Variants in CD99 observed in about 807,000 individuals in gnomAD.
CD99 encodes the protein CD99 molecule (Xg blood group), also known as CD99 antigen.
CD99 carries 19 observed loss-of-function variants against 28.4 expected under a neutral mutation model. The observed-to-expected ratio is 0.67, with a 90% CI of 0.47 to 0.98. The LOEUF (loss-of-function observed/expected upper bound fraction) is 0.98, where lower values mean the gene tolerates loss of function less well. Ranked by LOEUF, CD99 falls within the 50% of genes least tolerant of loss-of-function variation. The pLI is 0.00. For synonymous variants in CD99, 103 were observed against 92.1 expected, an observed-to-expected ratio of 1.12 and a Z score of -0.67; for missense variants, 283 against 248.8, an observed-to-expected ratio of 1.14 and a Z score of -0.92.
At chrX:2,696,145 G>C (rs7050150) in intron 1 of CD99, among the ~76,000 whole-genome samples, 2,444 of 152,316 alleles carry the variant, frequency 0.016, 69 homozygotes, top group African/African-American at 0.054. Flanking sequence ...GGCAGAGAAA[G>C]ACAAAGGACT....
chrX:2,700,750 CCATT>C (rs2047814274), intron 1 of CD99, among the ~76,000 whole-genome samples: 1 of 152,078 alleles, frequency 6.6e-6, no homozygotes, highest in Non-Finnish European at 1.5e-5. Flanking sequence ...ATCTATCCAT[CCATT>C]CACCCATCCT....
chrX:2,695,003 T>C (rs1008042211), intron 1 of CD99, among the ~76,000 whole-genome samples: 2 of 152,190 alleles, frequency 1.3e-5, no homozygotes, highest in African/African-American at 2.4e-5. Context: ...TCATGGATAC[T>C]GTCTGGAATG....
rs193098625 is a variant in CD99, at chrX:2,734,059, C to G, written c.476-4141C>G. On this transcript the variant is annotated intron_variant, in intron 8 of 9. Transcript: ENST00000381192. ...CCTATTCACACATTTGAGCACGGAGCCTCTGCGGCCGTCTTCCTTGGATTC... is the reference window on the plus strand; with the variant it reads ...CCTATTCACACATTTGAGCACGGAGGCTCTGCGGCCGTCTTCCTTGGATTC... Among the ~76,000 whole-genome samples, 102 of 152,214 alleles carry G rather than the reference C, an allele frequency of 6.7e-4. No homozygotes were observed. The East Asian group carries it at 0.014, about 20-fold the overall frequency.
chrX:2,695,064 C>T (rs1315517317), intron 1 of CD99, among the ~76,000 whole-genome samples: 2 of 152,272 alleles, frequency 1.3e-5, no homozygotes, highest in East Asian at 3.9e-4. Flanking sequence ...TCAGTAGCCA[C>T]GTGGACCTTG....
At position 2,720,471 on chromosome X, in the gene CD99, C is replaced by T. The variant is rs776844070; in HGVS notation, c.262+47C>T. On this transcript the variant is annotated intron_variant, in intron 5 of 9. Coordinates refer to ENST00000381192, the MANE Select transcript of CD99 (RefSeq NM_002414.5). ...GGATGTCTTCATGTTGTTCAGAATT[C>T]AGCGATATTTATGTCAGCTGAGAGG... The T allele has an allele frequency of 6.4e-6, 10 of 1,563,224 alleles. No individual in the cohort carries two copies. The South Asian group carries it at 1.1e-4, about 17-fold the overall frequency.
intron 7 of CD99, among the ~76,000 whole-genome samples, chrX:2,724,346 G>A (rs1198301755): frequency 6.6e-6 from 1 of 152,124 alleles, no homozygotes; most frequent in Non-Finnish European, 1.5e-5. Context: ...ACACACCACC[G>A]ACAGGCCATG....
At chrX:2,718,380 T>G (rs1392142581) in intron 3 of CD99, among the ~76,000 whole-genome samples, 4 of 150,848 alleles carry the variant, frequency 2.7e-5, no homozygotes, top group Non-Finnish European at 4.4e-5. Flanking sequence ...TTTTTTTTTT[T>G]TTTTTTGAGA....
chrX:2,709,902 G>C lies in CD99; in HGVS notation c.68-4520G>C, dbSNP rs756522260. Among the ~76,000 whole-genome samples, 231 of 152,286 alleles carry C rather than the reference G, an allele frequency of 1.5e-3. 1 individual carries two copies. Among genetic ancestry groups the C allele is most frequent in the African/African-American group, 5.3e-3 (221 of 41,556 alleles). On this transcript the variant is annotated intron_variant, in intron 1 of 9. Transcript: ENST00000381192. ...TTGGGGGAAGCTTGGGGACACCTGG[G>C]TGGGCAAATGGCCCCCCTGAGGCCC...
chrX:2,700,935 A>C, intron 1 of CD99, among the ~76,000 whole-genome samples: 1 of 116,760 alleles, frequency 8.6e-6, no homozygotes, highest in Admixed American at 9.6e-5. Flanking sequence ...CCATCCACCC[A>C]ACCATCCATC....
intron 7 of CD99, among the ~76,000 whole-genome samples, chrX:2,724,625 C>T (rs1363332638): frequency 2.0e-5 from 3 of 151,870 alleles, no homozygotes; most frequent in Non-Finnish European, 4.4e-5. Context: ...AAAAATTAGG[C>T]CAGGTGTGGT....
intron 8 of CD99, chrX:2,737,802 A>C (rs2050020886): frequency 2.8e-6 from 1 of 355,804 alleles, no homozygotes; most frequent in Admixed American, 3.8e-5. Context: ...AGCCGTCTGC[A>C]TTTGTTTGAT....
rs200092439 is a variant in CD99 at position 2,726,374 on chromosome X, G to C, written c.475+1G>C. 6.4e-7 allele frequency: 1 copy of C among 1,566,788 alleles called. No individual in the cohort carries two copies. The highest frequency in any genetic ancestry group is 8.8e-7 in the Non-Finnish European group (1 of 1,137,974). On this transcript the variant is annotated splice_donor_variant, in intron 8 of 9. Transcript: ENST00000381192. LOFTEE classifies it high-confidence loss of function. ...AAGAAGCTATGCTTCAAAGAAAATGGTAAGTCTCAGTCCGCCGGTGCCTCT... is the reference window on the plus strand; with the variant it reads ...AAGAAGCTATGCTTCAAAGAAAATGCTAAGTCTCAGTCCGCCGGTGCCTCT...
chrX:2,709,279 C>T (rs775310882), intron 1 of CD99, among the ~76,000 whole-genome samples: 10 of 101,108 alleles, frequency 9.9e-5, no homozygotes, highest in Admixed American at 3.0e-4. Flanking sequence ...CACATGTGCA[C>T]GTGAGCACAC....
intron 8 of CD99, chrX:2,733,460 T>G: frequency 7.1e-7 from 1 of 1,404,534 alleles, no homozygotes; most frequent in Non-Finnish European, 9.8e-7. Flanking sequence ...AGCAAACCCT[T>G]CCATCTGCCG....
At chrX:2,704,326 C>T (rs1389914589) in intron 1 of CD99, among the ~76,000 whole-genome samples, 3 of 152,176 alleles carry the variant, frequency 2.0e-5, no homozygotes, top group East Asian at 1.9e-4. Context: ...ACCCTTGTGC[C>T]GTCGTCCTAG....
rs149877949 is a variant in CD99 at position 2,719,590 on chromosome X, C to G, written c.149-71C>G. On this transcript the variant is annotated intron_variant, in intron 3 of 9. Coordinates refer to ENST00000381192, the MANE Select transcript of CD99 (RefSeq NM_002414.5). ...TGTGGGGCCGTGGTGTGTTTTTGAT[C>G]TGTTCACGAGGTCATTCCTTCCTCG... 2.8e-3 allele frequency: 3,476 copies of G among 1,255,016 alleles called. 66 individuals carry two copies. In the East Asian group the frequency reaches 0.035, roughly 13 times the overall value. 77.7% of individuals were successfully genotyped at this position (1,255,016 alleles called of 1,614,324 possible).
intron 9 of CD99, among the ~76,000 whole-genome samples, chrX:2,738,499 A>G (rs2050056604): frequency 6.6e-6 from 1 of 152,100 alleles, no homozygotes; most frequent in Non-Finnish European, 1.5e-5. Context: ...TTAACAAAAT[A>G]TTAAGGAAGT....
At chrX:2,714,641 A>C (rs1359081031) in intron 2 of CD99, 187 bp downstream of exon 2, 2 of 508,472 alleles carry the variant, frequency 3.9e-6, no homozygotes, top group Non-Finnish European at 7.2e-6. Flanking sequence ...TAAGTATGCA[A>C]TAGCATTACC....
Position 2,736,094 on chromosome X carries a change from C to T in CD99, c.476-2106C>T, listed in dbSNP as rs1218095902. Among the ~76,000 whole-genome samples the T allele has an allele frequency of 4.0e-5, 6 of 151,028 alleles. 1 individual carries two copies. Among genetic ancestry groups the T allele is most frequent in the Non-Finnish European group, 7.4e-5 (5 of 67,892 alleles). On this transcript the variant is annotated intron_variant, in intron 8 of 9. Transcript: ENST00000381192. Reference sequence around the variant, plus strand: ...GCGGGCGCCTGTAGTCCCAGCTACTCGGGAGGCTGAGGCAAGAGAATGGCG... The same window carrying T: ...GCGGGCGCCTGTAGTCCCAGCTACTTGGGAGGCTGAGGCAAGAGAATGGCG...
Sources: allele counts gnomAD v4.1 joint callset (sites outside exome capture counted in the v4.1 genomes callset), GRCh38; gene constraint gnomAD v4.1.1; transcripts MANE v1.5; gene names NCBI Gene and HGNC (gene_info 2026-07-23, HGNC 2026-07-21).